Variants in ELP3 observed in about 807,000 individuals in gnomAD.
ELP3 encodes elongator complex protein 3.
In ELP3, 56 loss-of-function variants were observed where a neutral mutation model predicts 74.9. The observed-to-expected ratio is 0.75, with a 90% confidence interval of 0.60 to 0.93. The LOEUF (loss-of-function observed/expected upper bound fraction) is 0.93, where lower values mean the gene tolerates loss of function less well. Among genes scored for constraint, ELP3 ranks in the 40% least tolerant of loss-of-function variants. ELP3 has a pLI of 0.00. For missense variants in ELP3, 573 were observed against 686.5 expected, an observed-to-expected ratio of 0.83 and a Z score of 1.85; for synonymous variants, 222 against 239.8, an observed-to-expected ratio of 0.93 and a Z score of 0.68.
In ELP3 at chr8:28,147,582, A is replaced by G. The variant is rs369670030; in HGVS notation, c.1101-8360A>G. Among the ~76,000 whole-genome samples, 6 of 152,372 alleles carry G rather than the reference A, an allele frequency of 3.9e-5. No individual in the cohort carries two copies. The highest frequency in any genetic ancestry group is 2.1e-4 in the South Asian group (1 of 4,832). On this transcript the variant is annotated intron_variant, in intron 10 of 14. Coordinates refer to ENST00000256398, the MANE Select transcript of ELP3 (RefSeq NM_018091.6). The surrounding 1 kb of genome is among the most constrained non-coding windows in gnomAD (Gnocchi z 4.5). Reference sequence around the variant, plus strand: ...TATGAACTTACGGGTTTAAAAATTTATATATAGAAATAGTTATAGCGTGTA... The same window carrying G: ...TATGAACTTACGGGTTTAAAAATTTGTATATAGAAATAGTTATAGCGTGTA...
intron 13 of ELP3, among the ~76,000 whole-genome samples, chr8:28,161,377 C>T (rs1022009138): frequency 1.3e-5 from 2 of 152,030 alleles, no homozygotes; most frequent in Admixed American, 6.5e-5. Context: ...AGTTCAAGAC[C>T]AGCCTGGCCA....
intron 10 of ELP3, among the ~76,000 whole-genome samples, chr8:28,145,301 C>T (rs1813388654): frequency 6.6e-6 from 1 of 152,110 alleles, no homozygotes; most frequent in Non-Finnish European, 1.5e-5. Context: ...TAGAAAATTG[C>T]TGTTAGTCTT....
At chr8:28,098,299 A>T (rs1003830745) in intron 2 of ELP3, among the ~76,000 whole-genome samples, 1 of 152,052 alleles carries the variant, frequency 6.6e-6, no homozygotes, top group African/African-American at 2.4e-5. Flanking sequence ...ATCATCACAT[A>T]CAGGAATGAC....
Position 28,115,243 on chromosome 8 carries a change from C to T in ELP3, c.617+2070C>T, listed in dbSNP as rs117761825. ...GCAAGAGAAGTCTGAGCTGACGGTA[C>T]GAAACTGGGGATTATCAGCTCATAG... On this transcript the variant is annotated intron_variant, in intron 7 of 14. Transcript: ENST00000256398. 8.6e-5 allele frequency among the ~76,000 whole-genome samples: 13 copies of T among 151,848 alleles called. No homozygotes were observed. The East Asian group carries it at 2.3e-3, about 27-fold the overall frequency.
At chr8:28,161,090 G>A (rs1009780297) in intron 13 of ELP3, among the ~76,000 whole-genome samples, 8 of 152,166 alleles carry the variant, frequency 5.3e-5, no homozygotes, top group Non-Finnish European at 1.2e-4. Context: ...TAATGGGAAA[G>A]CACTTATGAA....
chr8:28,117,255 A>G (rs1463040763), intron 7 of ELP3, among the ~76,000 whole-genome samples: 2 of 152,168 alleles, frequency 1.3e-5, no homozygotes, highest in East Asian at 1.9e-4. Context: ...TTTAGTATGT[A>G]TCTAGTTTGA....
intron 14 of ELP3, among the ~76,000 whole-genome samples, chr8:28,188,155 C>G (rs1815315581): frequency 6.6e-6 from 1 of 152,230 alleles, no homozygotes; most frequent in Non-Finnish European, 1.5e-5. Context: ...CCAGCCTCAG[C>G]TGTCTCACTC....
chr8:28,139,211 A>G (rs555897137), intron 10 of ELP3, among the ~76,000 whole-genome samples: 5 of 152,210 alleles, frequency 3.3e-5, no homozygotes, highest in Non-Finnish European at 7.3e-5. Context: ...TTGGGGGTAT[A>G]TGCAGAAGAG....
chr8:28,112,903 CT>C (rs1313604593), intron 6 of ELP3, 115 bp from the exon 7 acceptor site: 14 of 922,466 alleles, frequency 1.5e-5, no homozygotes, highest in Non-Finnish European at 2.1e-5. Flanking sequence ...TGTTTCATTA[CT>C]TCTGATTTTT....
intron 2 of ELP3, among the ~76,000 whole-genome samples, chr8:28,099,011 A>G (rs577999160): frequency 6.6e-6 from 1 of 152,386 alleles, no homozygotes; most frequent in East Asian, 1.9e-4. Context: ...ATGTAAACAT[A>G]GAACATGAAA....
At chr8:28,119,575 TATATATATATATA>T (rs1812277839) in intron 7 of ELP3, among the ~76,000 whole-genome samples, 3 of 268 alleles carry the variant, frequency 0.011, no homozygotes, top group South Asian at 0.25. Context: ...TGGCGTTTTA[TATATATATATATA>T]TATATATATA....
At chr8:28,108,259 A>G (rs1811774996) in intron 5 of ELP3, among the ~76,000 whole-genome samples, 1 of 152,112 alleles carries the variant, frequency 6.6e-6, no homozygotes, top group Non-Finnish European at 1.5e-5. Flanking sequence ...TGTTTTGAAG[A>G]TAGACACTAT....
intron 7 of ELP3, 108 bp downstream of exon 7, chr8:28,113,281 A>G: frequency 1.3e-6 from 1 of 747,708 alleles, no homozygotes; most frequent in Non-Finnish European, 2.0e-6. Flanking sequence ...CTTACTTCTC[A>G]TAATCTTTCT....
intron 7 of ELP3, among the ~76,000 whole-genome samples, chr8:28,114,993 G>A (rs906562346): frequency 6.6e-6 from 1 of 152,150 alleles, no homozygotes; most frequent in Non-Finnish European, 1.5e-5. Context: ...TGATGGAGAG[G>A]AGATTGAGAT....
intron 1 of ELP3, among the ~76,000 whole-genome samples, chr8:28,095,364 A>G (rs1168150406): frequency 1.3e-5 from 2 of 152,222 alleles, no homozygotes; most frequent in Non-Finnish European, 2.9e-5. Flanking sequence ...CTCAATATAT[A>G]AACAGCTGAA....
At chr8:28,093,015 C>T, upstream of ELP3, 1 of 832,404 alleles carries the variant, frequency 1.2e-6, no homozygotes. Context: ...CTAGGGGCCT[C>T]ACGGGCCGCC....
At chr8:28,121,194 T>A (rs1298471208) in intron 7 of ELP3, among the ~76,000 whole-genome samples, 1 of 152,164 alleles carries the variant, frequency 6.6e-6, no homozygotes, top group Non-Finnish European at 1.5e-5. Context: ...TTAAATTCTC[T>A]TAGCAATCTT....
intron 3 of ELP3, among the ~76,000 whole-genome samples, chr8:28,102,457 A>G (rs995625590): frequency 2.6e-5 from 4 of 152,258 alleles, no homozygotes; most frequent in Non-Finnish European, 5.9e-5. Context: ...ATTTTGTCCT[A>G]CCTACATGAA....
intron 6 of ELP3, among the ~76,000 whole-genome samples, chr8:28,111,835 A>G (rs979350845): frequency 1.3e-5 from 2 of 152,184 alleles, no homozygotes; most frequent in Non-Finnish European, 2.9e-5. Flanking sequence ...TCACATCTTC[A>G]CCTCGGGAGG....
Sources: allele counts gnomAD v4.1 joint callset (sites outside exome capture counted in the v4.1 genomes callset), GRCh38; gene constraint gnomAD v4.1.1; non-coding constraint Gnocchi (gnomAD v3.1); transcripts MANE v1.5; gene names NCBI Gene and HGNC (gene_info 2026-07-23, HGNC 2026-07-21).